Variants in ZBED6 observed in about 807,000 individuals in gnomAD.
ZBED6 encodes the protein zinc finger BED domain-containing protein 6.
Under a neutral mutation model 58.4 loss-of-function variants are expected in ZBED6, and 40 were observed. The observed-to-expected ratio is 0.68, with a 90% CI of 0.53 to 0.89. The LOEUF (loss-of-function observed/expected upper bound fraction) is 0.89, where lower values mean the gene tolerates loss of function less well. ZBED6 is among the 40% of genes least tolerant of loss of function. The probability of loss-of-function intolerance (pLI) is 0.00; values close to 1 mark genes in which losing one functional copy is unlikely to be tolerated. For missense variants in ZBED6, 1,057 were observed against 1,003.9 expected, an observed-to-expected ratio of 1.05 and a Z score of -0.71; for synonymous variants, 439 against 350.6, an observed-to-expected ratio of 1.25 and a Z score of -2.82.
exon 10 of ZBED6, chr1:203,837,969 G>T: frequency 6.2e-7 from 1 of 1,612,544 alleles, no homozygotes; most frequent in Non-Finnish European, 8.5e-7. Context: ...TTTATAGGCG[G>T]TGACAGTGAT....
chr1:203,828,512 C>A, intron 4 of ZBED6, 90 bp downstream of exon 4: 1 of 1,451,372 alleles, frequency 6.9e-7, no homozygotes, highest in Non-Finnish European at 9.4e-7. Flanking sequence ...TGACTCCTTT[C>A]AGTCTTGTGA....
intron 11 of ZBED6, among the ~76,000 whole-genome samples, chr1:203,845,201 G>C (rs903496871): frequency 1.3e-5 from 2 of 152,154 alleles, no homozygotes; most frequent in African/African-American, 4.8e-5. Context: ...TGCTCTGCCA[G>C]TGACATCCTT....
intron 3 of ZBED6, among the ~76,000 whole-genome samples, chr1:203,821,438 T>G (rs1220985394): frequency 1.3e-5 from 2 of 152,184 alleles, no homozygotes; most frequent in African/African-American, 4.8e-5. Context: ...ACTTTTATGC[T>G]CCGATTGACC....
intron 1 of ZBED6, among the ~76,000 whole-genome samples, chr1:203,804,684 T>G (rs1458072953): frequency 1.3e-5 from 2 of 151,640 alleles, no homozygotes; most frequent in Non-Finnish European, 2.9e-5. Flanking sequence ...CTTTTTTTTT[T>G]TTTTTGATAT....
intron 3 of ZBED6, among the ~76,000 whole-genome samples, chr1:203,824,919 AC>A (rs1242504309): frequency 6.6e-6 from 1 of 152,038 alleles, no homozygotes; most frequent in African/African-American, 2.4e-5. Context: ...TACTAAAAAT[AC>A]AAAAAAATTA....
chr1:203,840,625 T>C (rs891865230), intron 11 of ZBED6, among the ~76,000 whole-genome samples: 1 of 150,744 alleles, frequency 6.6e-6, no homozygotes, highest in Non-Finnish European at 1.5e-5. Flanking sequence ...TATTTATTTA[T>C]TTATTTATTT....
intron 9 of ZBED6, among the ~76,000 whole-genome samples, chr1:203,836,608 TC>T (rs1684421073): frequency 6.6e-6 from 1 of 151,984 alleles, no homozygotes. Flanking sequence ...TACAAAAAAG[TC>T]TACTAAAAAT....
At chr1:203,799,304 C>A in exon 1 of ZBED6, 1 of 715,086 alleles carries the variant, frequency 1.4e-6, no homozygotes, top group Middle Eastern at 2.3e-4. Flanking sequence ...TCATTCAGGA[C>A]TTTTTCTGCG....
chr1:203,797,525 G>C, exon 1 of ZBED6: 1 of 1,496,618 alleles, frequency 6.7e-7, no homozygotes, highest in Non-Finnish European at 8.8e-7. Flanking sequence ...TAAAGAGAAT[G>C]AGTGTATGTA....
At chr1:203,852,261 C>A (rs1689496063) in exon 17 of ZBED6, 1 of 1,613,544 alleles carries the variant, frequency 6.2e-7, no homozygotes, top group African/African-American at 1.3e-5. Flanking sequence ...CAGGAAAGCC[C>A]CCACTCTCTG....
chr1:203,840,100 A>G lies in ZBED6; in HGVS notation c.*3673-206A>G, dbSNP rs182756734. Among the ~76,000 whole-genome samples the G allele has an allele frequency of 7.3e-5, 11 of 151,214 alleles. No homozygotes were observed. The East Asian group carries it at 2.1e-3, about 29-fold the overall frequency. Reference sequence around the variant, plus strand: ...ATTACAAGCGTGAGCCACTGCGCCCAGCTAATTTTTGCAATTTTAGTAGAG... The same window carrying G: ...ATTACAAGCGTGAGCCACTGCGCCCGGCTAATTTTTGCAATTTTAGTAGAG... On this transcript the variant is annotated intron_variant, in intron 10 of 16. Transcript: ENST00000550078.
Position 203,797,589 on chromosome 1 carries a change from AGTGATTCT to A in ZBED6, c.69_76del (p.Ser23ArgfsTer9). Reference sequence around the variant, plus strand: ...TCCTGGCAGAAGATGCAACACTTTTAGTGATTCTGGGATTCTGGGATGTGTTCCTATTA... The same window carrying A: ...TCCTGGCAGAAGATGCAACACTTTTAGGGATTCTGGGATGTGTTCCTATTA... On this transcript the variant is annotated frameshift_variant, in exon 1 of 17. Coordinates refer to ENST00000550078, the Ensembl canonical transcript of ZBED6. LOFTEE classifies it high-confidence loss of function. 2.0e-6 allele frequency: 3 copies of A among 1,534,360 alleles called. No homozygotes were observed. The highest frequency in any genetic ancestry group is 2.6e-6 in the Non-Finnish European group (3 of 1,146,504).
rs138840191 is a variant in ZBED6 at position 203,818,606 on chromosome 1, A to G, written c.*2790A>G. On this transcript the variant is annotated 3_prime_UTR_variant, in exon 3 of 17. Coordinates refer to ENST00000550078, the Ensembl canonical transcript of ZBED6. ...CCCATTCCGTCACTGTGAAGCTGCA[A>G]TAGGAAATGAAACTGTTTGCACATT... is the stretch of plus-strand genomic sequence containing the variant. The G allele has an allele frequency of 6.2e-6, 10 of 1,614,166 alleles. No homozygotes were observed. The African/African-American group carries it at 9.3e-5, about 15-fold the overall frequency.
chr1:203,834,622 A>G (rs1231328933), intron 9 of ZBED6, among the ~76,000 whole-genome samples: 1 of 152,082 alleles, frequency 6.6e-6, no homozygotes, highest in Non-Finnish European at 1.5e-5. Flanking sequence ...ATTGTTGTAT[A>G]ACTACCCTAA....
chr1:203,838,060 G>A (rs1684927216), exon 10 of ZBED6: 1 of 1,613,964 alleles, frequency 6.2e-7, no homozygotes, highest in Non-Finnish European at 8.5e-7. Flanking sequence ...AAACACCAAA[G>A]AAAGGTACCT....
intron 2 of ZBED6, among the ~76,000 whole-genome samples, chr1:203,817,342 T>C (rs1676697226): frequency 6.6e-6 from 1 of 152,208 alleles, no homozygotes; most frequent in African/African-American, 2.4e-5. Flanking sequence ...TGTACAAAAG[T>C]GAAAAGGCAC....
At chr1:203,842,471 G>A (rs544770398) in intron 11 of ZBED6, among the ~76,000 whole-genome samples, 4 of 152,144 alleles carry the variant, frequency 2.6e-5, no homozygotes, top group Admixed American at 6.5e-5. Context: ...GGCGGCGCGC[G>A]CCTGCAATCC....
intron 3 of ZBED6, among the ~76,000 whole-genome samples, chr1:203,825,723 C>T (rs912247163): frequency 6.6e-6 from 1 of 152,016 alleles, no homozygotes; most frequent in Non-Finnish European, 1.5e-5. Context: ...CCACGCCTGG[C>T]ATGTGGAGGA....
chr1:203,797,869 A>C, exon 1 of ZBED6: 1 of 1,536,118 alleles, frequency 6.5e-7, no homozygotes, highest in Non-Finnish European at 8.7e-7. Context: ...AGTCTTTTTG[A>C]GAGCAATATA....
Sources: allele counts gnomAD v4.1 joint callset (sites outside exome capture counted in the v4.1 genomes callset), GRCh38; gene constraint gnomAD v4.1.1; transcripts MANE v1.5; gene names NCBI Gene and HGNC (gene_info 2026-07-23, HGNC 2026-07-21).